RANBP9: variants seen among roughly 807,000 people sequenced by gnomAD.
RANBP9 encodes RAN binding protein 9.
A neutral mutation model predicts 84.3 loss-of-function variants in RANBP9; 15 were observed. That is an observed-to-expected ratio of 0.18 (90% CI 0.12 to 0.27). RANBP9 has a LOEUF of 0.27. Among genes scored for constraint, RANBP9 ranks in the 10% least tolerant of loss-of-function variants. The probability of loss-of-function intolerance (pLI) is 1.00; values close to 1 mark genes in which losing one functional copy is unlikely to be tolerated. For missense variants in RANBP9, 809 were observed against 912.8 expected, an observed-to-expected ratio of 0.89 and a Z score of 1.46; for synonymous variants, 392 against 349.6, an observed-to-expected ratio of 1.12 and a Z score of -1.35.
chr6:13,690,639 T>G (rs1371999420), intron 2 of RANBP9, among the ~76,000 whole-genome samples: 3 of 152,224 alleles, frequency 2.0e-5, no homozygotes, highest in African/African-American at 7.2e-5. Flanking sequence ...AAAATACCAT[T>G]CATAATAAAT....
At chr6:13,632,228 C>A in intron 12 of RANBP9, 142 bp downstream of exon 12, 1 of 466,032 alleles carries the variant, frequency 2.1e-6, no homozygotes, top group Admixed American at 4.6e-5. Context: ...AATATTTCCA[C>A]TCTCAGATGG....
intron 10 of RANBP9, among the ~76,000 whole-genome samples, chr6:13,636,969 T>C (rs1008407007): frequency 9.2e-5 from 14 of 152,200 alleles, no homozygotes; most frequent in Non-Finnish European, 1.9e-4. Flanking sequence ...CTGATGACCA[T>C]TTCCTGAAAA....
chr6:13,701,768 C>T (rs1757978081), intron 1 of RANBP9, among the ~76,000 whole-genome samples: 1 of 150,060 alleles, frequency 6.7e-6, no homozygotes. Context: ...AAGGCTCCAT[C>T]TCAAAAAAAA....
At chr6:13,709,356 G>A (rs1372850206) in intron 1 of RANBP9, among the ~76,000 whole-genome samples, 1 of 151,780 alleles carries the variant, frequency 6.6e-6, no homozygotes, top group African/African-American at 2.4e-5. Flanking sequence ...GCAGAACTCA[G>A]GAAATCTAGA....
chr6:13,708,156 T>C (rs1359410092), intron 1 of RANBP9, among the ~76,000 whole-genome samples: 1 of 152,184 alleles, frequency 6.6e-6, no homozygotes, highest in Non-Finnish European at 1.5e-5. Flanking sequence ...ACACAGTGGC[T>C]CAGGCTTGTA....
At chr6:13,677,414 T>C (rs538999628) in intron 2 of RANBP9, among the ~76,000 whole-genome samples, 1 of 152,324 alleles carries the variant, frequency 6.6e-6, no homozygotes, top group South Asian at 2.1e-4. Flanking sequence ...AAATTTCGAA[T>C]TCTGAATAGT....
intron 6 of RANBP9, 123 bp from the exon 7 acceptor site, chr6:13,642,714 C>A: frequency 2.0e-6 from 1 of 508,906 alleles, no homozygotes; most frequent in African/African-American, 2.0e-5. Context: ...TGAAACAAGG[C>A]GTTAAGAACC....
intron 1 of RANBP9, among the ~76,000 whole-genome samples, chr6:13,699,206 T>C (rs1252929975): frequency 1.3e-5 from 2 of 152,190 alleles, no homozygotes; most frequent in Non-Finnish European, 2.9e-5. Flanking sequence ...TAAAATCCCA[T>C]ACATTTTTCC....
chr6:13,662,994 AAG>A (rs1765568914), intron 2 of RANBP9, among the ~76,000 whole-genome samples: 1 of 152,174 alleles, frequency 6.6e-6, no homozygotes, highest in African/African-American at 2.4e-5. Context: ...CCCAAGGAAA[AAG>A]AGAATAGGAC....
intron 7 of RANBP9, among the ~76,000 whole-genome samples, 182 bp from the exon 8 acceptor site, chr6:13,641,489 A>C (rs1441798850): frequency 6.6e-6 from 1 of 151,462 alleles, no homozygotes; most frequent in Non-Finnish European, 1.5e-5. Context: ...CATACTAGAA[A>C]ATTAGAAAAA....
intron 4 of RANBP9, among the ~76,000 whole-genome samples, chr6:13,653,172 A>C (rs1029406545): frequency 6.6e-6 from 1 of 152,186 alleles, no homozygotes; most frequent in African/African-American, 2.4e-5. Flanking sequence ...CTTCTTTAAA[A>C]AATGTTTCTT....
At chr6:13,631,537 T>C (rs1764781291) in intron 12 of RANBP9, among the ~76,000 whole-genome samples, 1 of 152,216 alleles carries the variant, frequency 6.6e-6, no homozygotes, top group Non-Finnish European at 1.5e-5. Context: ...ATACTCAACC[T>C]GTACTAACTT....
rs577014101 is a variant in RANBP9, at chr6:13,680,315, A to T, written c.683+16470T>A. On this transcript the variant is annotated intron_variant, in intron 2 of 13. Coordinates refer to ENST00000011619, the MANE Select transcript of RANBP9 (RefSeq NM_005493.3). ...AACCTACTCTTAAGACCATACCAAGATCAACACCAAGACATAGTCAAGTAA... is the reference window on the plus strand; with the variant it reads ...AACCTACTCTTAAGACCATACCAAGTTCAACACCAAGACATAGTCAAGTAA... Among the ~76,000 whole-genome samples, 5 of 152,322 alleles carry T rather than the reference A, an allele frequency of 3.3e-5. No homozygotes were observed. In the South Asian group the frequency reaches 1.0e-3, roughly 32 times the overall value.
chr6:13,626,383 T>C (rs929862879), intron 12 of RANBP9, among the ~76,000 whole-genome samples: 1 of 152,228 alleles, frequency 6.6e-6, no homozygotes, highest in Non-Finnish European at 1.5e-5. Flanking sequence ...CACATACTAA[T>C]GGTGGTTTCA....
chr6:13,645,630 G>C (rs1765162013), intron 5 of RANBP9, among the ~76,000 whole-genome samples: 1 of 152,128 alleles, frequency 6.6e-6, no homozygotes, highest in Non-Finnish European at 1.5e-5. Context: ...TAAATAACTT[G>C]CTCATGGTCG....
rs1301745774 is a variant in RANBP9, at chr6:13,625,673, G to A, written c.2039C>T (p.Ala680Val). ...CTTACCTAATATTGCACTGTTAAGAGCTGAGCACACAGGTTCTCTCTGAAT... is the reference window on the plus strand; with the variant it reads ...CTTACCTAATATTGCACTGTTAAGAACTGAGCACACAGGTTCTCTCTGAAT... ...DPIQREPVCS[A>V]LNSAILETHN... The change falls in exon 13 of 14, where the codon GCT becomes GTT. Residue 680 changes from alanine (A) to valine (V), a missense_variant. This residue lies in a region of RANBP9 where 233 missense variants were observed against 234.4 expected (regional missense o/e 0.99). Coordinates refer to ENST00000011619, the MANE Select transcript of RANBP9 (RefSeq NM_005493.3). 6.2e-7 allele frequency: 1 copy of A among 1,610,276 alleles called. No individual in the cohort carries two copies. Among genetic ancestry groups the A allele is most frequent in the African/African-American group, 1.3e-5 (1 of 74,936 alleles).
At chr6:13,702,387 CGA>C (rs1757996755) in intron 1 of RANBP9, among the ~76,000 whole-genome samples, 1 of 152,078 alleles carries the variant, frequency 6.6e-6, no homozygotes, top group Non-Finnish European at 1.5e-5. Context: ...CCTGACAAAG[CGA>C]GACTCTGTTC....
intron 2 of RANBP9, among the ~76,000 whole-genome samples, chr6:13,670,592 CG>C (rs1422182708): frequency 6.6e-6 from 1 of 151,624 alleles, no homozygotes. Flanking sequence ...GTCAGGAGAT[CG>C]AGACCATCCT....
At chr6:13,700,172 A>G (rs1757930618) in intron 1 of RANBP9, among the ~76,000 whole-genome samples, 1 of 152,344 alleles carries the variant, frequency 6.6e-6, no homozygotes, top group Non-Finnish European at 1.5e-5. Context: ...ATCTGATGGA[A>G]AGAGTTTGAA....
Sources: gnomAD v4.1 joint callset for allele counts (sites outside exome capture counted in the v4.1 genomes callset) on GRCh38, gnomAD v4.1.1 for gene constraint, gnomAD v4.1.1 regional missense constraint, MANE v1.5 for transcripts, NCBI Gene and HGNC (gene_info 2026-07-23, HGNC 2026-07-21) for gene names.